Variants in RAB38 observed in about 807,000 individuals in gnomAD.
The protein encoded by RAB38 is ras-related protein Rab-38.
Under a neutral mutation model 18.4 loss-of-function variants are expected in RAB38, and 15 were observed. The observed-to-expected ratio is 0.82, with a 90% CI of 0.55 to 1.26. The LOEUF (loss-of-function observed/expected upper bound fraction) is 1.26, where lower values mean the gene tolerates loss of function less well. Ranked by LOEUF, RAB38 falls within the 50% of genes most tolerant of loss-of-function variation. The pLI is 0.00. For synonymous variants in RAB38, 101 were observed against 104.4 expected, an observed-to-expected ratio of 0.97 and a Z score of 0.20; for missense variants, 294 against 267.4, an observed-to-expected ratio of 1.10 and a Z score of -0.69.
the RAB38 span, among the ~76,000 whole-genome samples, chr11:87,887,655 T>G: frequency 6.6e-6 from 1 of 151,940 alleles, no homozygotes; most frequent in African/African-American, 2.4e-5. Flanking sequence ...AACATAAAAT[T>G]TGGAAGATGA....
the RAB38 span, among the ~76,000 whole-genome samples, chr11:88,046,649 C>A: frequency 1.3e-5 from 2 of 152,172 alleles, no homozygotes; most frequent in Admixed American, 6.5e-5. Context: ...ATGTGCTCTC[C>A]CTGCAGATCG....
the RAB38 span, among the ~76,000 whole-genome samples, chr11:87,974,483 C>T: frequency 1.3e-5 from 2 of 151,790 alleles, no homozygotes; most frequent in South Asian, 2.1e-4. Context: ...ACCTCAGTGA[C>T]TTGTGAGGTG....
chr11:88,169,148 A>T (rs1185263981), intron 1 of RAB38, among the ~76,000 whole-genome samples: 1 of 152,152 alleles, frequency 6.6e-6, no homozygotes, highest in Non-Finnish European at 1.5e-5. Context: ...TGACTTGGAG[A>T]CTGGTGACAT....
At chr11:87,832,848 T>C in the RAB38 span, among the ~76,000 whole-genome samples, 1 of 151,230 alleles carries the variant, frequency 6.6e-6, no homozygotes, top group Non-Finnish European at 1.5e-5. Context: ...CCTTTTACCA[T>C]GTAACGTAAC....
rs765639791 is a variant in RAB38 at position 88,113,954 on chromosome 11, G to C, written c.*34C>G. The C allele has an allele frequency of 1.2e-6, 2 of 1,612,570 alleles. No individual in the cohort carries two copies. The highest frequency in any genetic ancestry group is 2.2e-5 in the South Asian group (2 of 91,036). ...AGAGGCACAATTTGTGGAACAATGA[G>C]GTCATTCCTACCAGACACCAGCAAA... On this transcript the variant is annotated 3_prime_UTR_variant, in exon 3 of 3. Coordinates refer to ENST00000243662, the MANE Select transcript of RAB38 (RefSeq NM_022337.3).
the RAB38 span, among the ~76,000 whole-genome samples, chr11:88,078,301 G>A: frequency 1.3e-5 from 2 of 151,996 alleles, no homozygotes; most frequent in African/African-American, 2.4e-5. Context: ...TGATCCATCA[G>A]TTCCACTACT....
intron 1 of RAB38, among the ~76,000 whole-genome samples, chr11:88,150,643 T>C (rs1943052026): frequency 6.6e-6 from 1 of 152,208 alleles, no homozygotes; most frequent in East Asian, 1.9e-4. Flanking sequence ...ATCATTAAGG[T>C]GCAATTATTA....
the RAB38 span, among the ~76,000 whole-genome samples, chr11:88,041,072 T>A: frequency 9.9e-5 from 15 of 152,120 alleles, no homozygotes; most frequent in African/African-American, 3.4e-4. Context: ...TCCAGAGAAG[T>A]TTCCAGTATG....
At chr11:87,825,093 GA>G in the RAB38 span, among the ~76,000 whole-genome samples, 1 of 152,116 alleles carries the variant, frequency 6.6e-6, no homozygotes, top group African/African-American at 2.4e-5. Context: ...CTGGAAGCTA[GA>G]AGGCAATGGA....
At chr11:88,025,212 T>A in the RAB38 span, among the ~76,000 whole-genome samples, 1 of 150,672 alleles carries the variant, frequency 6.6e-6, no homozygotes, top group Non-Finnish European at 1.5e-5. Context: ...TATAATTATA[T>A]TGTGTATATA....
intron 1 of RAB38, chr11:88,174,140 G>A (rs1943346636): frequency 1.1e-6 from 1 of 948,966 alleles, no homozygotes; most frequent in Non-Finnish European, 1.3e-6. Flanking sequence ...CTTGACCCTT[G>A]CCCAACTCCT....
At chr11:87,946,721 C>A in the RAB38 span, among the ~76,000 whole-genome samples, 48 of 152,242 alleles carry the variant, frequency 3.2e-4, no homozygotes, top group African/African-American at 1.1e-3. Flanking sequence ...GACATGAACT[C>A]ATCATTTTCT....
the RAB38 span, among the ~76,000 whole-genome samples, chr11:87,868,606 A>AAG: frequency 3.7e-5 from 3 of 80,524 alleles, no homozygotes; most frequent in East Asian, 4.7e-4. Flanking sequence ...AGAGAGAGAG[A>AAG]GAGAGAGAGA....
the RAB38 span, among the ~76,000 whole-genome samples, chr11:87,951,654 G>C: frequency 1.2e-4 from 19 of 152,278 alleles, no homozygotes; most frequent in African/African-American, 4.6e-4. Flanking sequence ...GAGTTTGCTA[G>C]AGGTCCACTC....
At chr11:88,171,865 C>T (rs777890393) in intron 1 of RAB38, among the ~76,000 whole-genome samples, 13 of 152,108 alleles carry the variant, frequency 8.5e-5, no homozygotes, top group Non-Finnish European at 1.8e-4. Context: ...CCCTAAATGA[C>T]CTATTTTTTT....
At chr11:87,928,679 T>C in the RAB38 span, among the ~76,000 whole-genome samples, 1 of 152,058 alleles carries the variant, frequency 6.6e-6, no homozygotes, top group African/African-American at 2.4e-5. Context: ...GAATTTTAGA[T>C]GAATTTGCTT....
the RAB38 span, among the ~76,000 whole-genome samples, chr11:88,052,960 A>T: frequency 9.9e-5 from 11 of 110,694 alleles, no homozygotes; most frequent in South Asian, 2.6e-4. Flanking sequence ...TATATATGAT[A>T]TATATGATAT....
At chr11:88,078,696 T>C in the RAB38 span, among the ~76,000 whole-genome samples, 3 of 151,510 alleles carry the variant, frequency 2.0e-5, no homozygotes, top group East Asian at 1.9e-4. Flanking sequence ...AGATAGAGAG[T>C]AGACTGGTGA....
At chr11:88,066,612 G>A in the RAB38 span, among the ~76,000 whole-genome samples, 1 of 152,168 alleles carries the variant, frequency 6.6e-6, no homozygotes, top group Non-Finnish European at 1.5e-5. Flanking sequence ...GTGGTTAGGT[G>A]TAGGGGCCAT....
Sources: gnomAD v4.1 joint callset for allele counts (sites outside exome capture counted in the v4.1 genomes callset) on GRCh38, gnomAD v4.1.1 for gene constraint, MANE v1.5 for transcripts, NCBI Gene and HGNC (gene_info 2026-07-23, HGNC 2026-07-21) for gene names.